Variants in CNGB3 observed in about 807,000 individuals in gnomAD.
CNGB3 encodes the protein cyclic nucleotide gated channel subunit beta 3.
A neutral mutation model predicts 92.8 loss-of-function variants in CNGB3; 86 were observed. The observed-to-expected ratio is 0.93, with a 90% CI of 0.78 to 1.11. The LOEUF is 1.11. Among genes scored for constraint, CNGB3 ranks in the 50% least tolerant of loss-of-function variants. The probability of loss-of-function intolerance (pLI) is 0.00; values close to 1 mark genes in which losing one functional copy is unlikely to be tolerated. For missense variants in CNGB3, 1,026 were observed against 956.8 expected (o/e 1.07, Z -0.95); for synonymous variants, 333 against 332.7 (o/e 1.00, Z -0.01).
intron 14 of CNGB3, among the ~76,000 whole-genome samples, chr8:86,608,987 C>A (rs973611685): frequency 6.6e-6 from 1 of 152,194 alleles, no homozygotes; most frequent in Non-Finnish European, 1.5e-5. Flanking sequence ...TACACTCTCT[C>A]ATCGCCGCAC....
chr8:86,659,992 A>G lies in CNGB3; in HGVS notation c.853-5930T>C, dbSNP rs1294363912. ...TCTTGGTTTCATCCATGAGATTGGG[A>G]CCAATGTCAGCATCATGATTCTGAG... On this transcript the variant is annotated intron_variant, in intron 6 of 17. Transcript: ENST00000320005. 2.0e-5 allele frequency: 7 copies of G among 350,656 alleles called. 1 individual carries two copies. Among genetic ancestry groups the G allele is most frequent in the African/African-American group, 4.3e-5 (2 of 46,216 alleles). The allele number at this position is 350,656 out of a possible 1,614,324, so 21.7% of individuals were successfully genotyped here.
At chr8:86,657,783 T>A in intron 6 of CNGB3, 1 of 492,820 alleles carries the variant, frequency 2.0e-6, no homozygotes, top group South Asian at 1.6e-5. Context: ...CATCTCCTCC[T>A]TGTCCTGGGC....
Position 86,725,298 on chromosome 8 carries a change from A to G in CNGB3, c.338+1233T>C, listed in dbSNP as rs1027027678. Reference sequence around the variant, plus strand: ...TAATATTAGGAGAGCTGACCCTATTACTACAGGCAAATGAATTAACCTTTC... The same window carrying G: ...TAATATTAGGAGAGCTGACCCTATTGCTACAGGCAAATGAATTAACCTTTC... On this transcript the variant is annotated intron_variant, in intron 3 of 17. Coordinates refer to ENST00000320005, the MANE Select transcript of CNGB3 (RefSeq NM_019098.5). Among the ~76,000 whole-genome samples, 5 of 152,192 alleles carry G rather than the reference A, an allele frequency of 3.3e-5. No individual in the cohort carries two copies. In the East Asian group the frequency reaches 9.6e-4, roughly 29 times the overall value.
chr8:86,659,886 C>A, intron 6 of CNGB3: 2 of 422,052 alleles, frequency 4.7e-6, no homozygotes, highest in African/African-American at 2.1e-5. Flanking sequence ...AGGGCCCTCC[C>A]CATTGACAAA....
At chr8:86,593,539 GTGTTT>G (rs1364044467) in intron 15 of CNGB3, among the ~76,000 whole-genome samples, 3 of 152,116 alleles carry the variant, frequency 2.0e-5, no homozygotes, top group Non-Finnish European at 2.9e-5. Context: ...GGTGAGCTAG[GTGTTT>G]TGTTTTGTTT....
intron 4 of CNGB3, among the ~76,000 whole-genome samples, chr8:86,668,462 G>A (rs1160658606): frequency 6.6e-6 from 1 of 152,058 alleles, no homozygotes; most frequent in Non-Finnish European, 1.5e-5. Flanking sequence ...TTCTGCACAT[G>A]TATCCCAGAA....
At chr8:86,713,841 C>A (rs527959503) in intron 3 of CNGB3, among the ~76,000 whole-genome samples, 1 of 152,102 alleles carries the variant, frequency 6.6e-6, no homozygotes, top group East Asian at 1.9e-4. Context: ...TTTATTCTTT[C>A]CGACTTAAAA....
Position 86,670,843 on chromosome 8 carries a change from T to A in CNGB3, c.493+101A>T. On this transcript the variant is annotated intron_variant, in intron 4 of 17. Coordinates refer to ENST00000320005, the MANE Select transcript of CNGB3 (RefSeq NM_019098.5). ...AAAATAAACTGTACGTAAATCATTT[T>A]CTCAGGGTCTGCTTTTGGGAGATCC... 7.2e-6 allele frequency: 9 copies of A among 1,248,936 alleles called. 1 individual carries two copies. Among genetic ancestry groups the A allele is most frequent in the Non-Finnish European group, 1.1e-5 (9 of 853,114 alleles). 77.4% of individuals were successfully genotyped at this position (1,248,936 alleles called of 1,614,324 possible).
chr8:86,703,925 T>TA (rs1167710134), intron 3 of CNGB3: 1 of 152,314 alleles, frequency 6.6e-6, no homozygotes, highest in East Asian at 1.9e-4. Flanking sequence ...ATAAATATCA[T>TA]AAAAACTAAT....
intron 6 of CNGB3, chr8:86,660,299 G>T (rs1219243737): frequency 3.0e-6 from 1 of 333,336 alleles, no homozygotes; most frequent in South Asian, 2.6e-5. Flanking sequence ...TCACAGGCAG[G>T]GTGGGAGGTG....
intron 2 of CNGB3, among the ~76,000 whole-genome samples, chr8:86,727,697 A>G (rs900168892): frequency 1.3e-5 from 2 of 152,180 alleles, no homozygotes; most frequent in Admixed American, 1.3e-4. Context: ...AAGAAAAATA[A>G]GAACGAATAC....
At chr8:86,652,271 AC>A (rs1291030143) in intron 7 of CNGB3, among the ~76,000 whole-genome samples, 1 of 152,006 alleles carries the variant, frequency 6.6e-6, no homozygotes, top group African/African-American at 2.4e-5. Flanking sequence ...AGCTTGCAGG[AC>A]TGGAACTTGC....
At chr8:86,714,319 G>GCTCCATCTCAAA (rs1824806289) in intron 3 of CNGB3, among the ~76,000 whole-genome samples, 7 of 152,172 alleles carry the variant, frequency 4.6e-5, no homozygotes, top group Admixed American at 3.3e-4. Flanking sequence ...TTTTGAGATG[G>GCTCCATCTCAAA]AGTCTCACTC....
chr8:86,657,538 C>A, intron 6 of CNGB3: 1 of 486,018 alleles, frequency 2.1e-6, no homozygotes, highest in East Asian at 5.7e-5. Context: ...GAGAACCCTC[C>A]CTGGCCTCTT....
At chr8:86,658,184 A>G in intron 6 of CNGB3, 1 of 550,260 alleles carries the variant, frequency 1.8e-6, no homozygotes, top group Non-Finnish European at 3.4e-6. Context: ...TGAGCCAGAC[A>G]CTGACAGCCT....
intron 7 of CNGB3, among the ~76,000 whole-genome samples, chr8:86,652,788 T>C (rs1460753660): frequency 6.6e-6 from 1 of 152,020 alleles, no homozygotes; most frequent in Non-Finnish European, 1.5e-5. Context: ...TCCTGAAAGA[T>C]TTGCCTGAGG....
chr8:86,660,868 A>G (rs1823627773), intron 6 of CNGB3: 1 of 396,334 alleles, frequency 2.5e-6, no homozygotes, highest in Admixed American at 2.8e-5. Context: ...TCATAAGGCC[A>G]GTTAGCTCAA....
At chr8:86,616,710 G>A (rs1822628982) in intron 13 of CNGB3, among the ~76,000 whole-genome samples, 1 of 152,098 alleles carries the variant, frequency 6.6e-6, no homozygotes, top group South Asian at 2.1e-4. Flanking sequence ...ATGTTTTACT[G>A]TCTTATCCTT....
chr8:86,721,429 G>A (rs542800346), intron 3 of CNGB3, among the ~76,000 whole-genome samples: 1 of 151,842 alleles, frequency 6.6e-6, no homozygotes, highest in Non-Finnish European at 1.5e-5. Flanking sequence ...GTGGGAAGGG[G>A]GTGAAGGATA....
Sources: allele counts gnomAD v4.1 joint callset (sites outside exome capture counted in the v4.1 genomes callset), GRCh38; gene constraint gnomAD v4.1.1; transcripts MANE v1.5; gene names NCBI Gene and HGNC (gene_info 2026-07-23, HGNC 2026-07-21).